The following SIK2 variants were observed in gnomAD, a reference collection of about 807,000 sequenced individuals.
The protein encoded by SIK2 is serine/threonine-protein kinase SIK2.
In SIK2, 29 loss-of-function variants were observed where a neutral mutation model predicts 103.2. The ratio of observed to expected loss-of-function variants is 0.28; its 90% CI spans 0.21 to 0.38. The LOEUF is 0.38. SIK2 is among the 10% of genes least tolerant of loss of function. The pLI, the probability that SIK2 is intolerant of heterozygous loss-of-function variation, is 1.00. For synonymous variants in SIK2, 412 were observed against 446.1 expected, an observed-to-expected ratio of 0.92 and a Z score of 0.96; for missense variants, 879 against 1,171.0, an observed-to-expected ratio of 0.75 and a Z score of 3.64.
At chr11:111,667,546 C>T (rs903505649) in intron 3 of SIK2, among the ~76,000 whole-genome samples, 9 of 140,988 alleles carry the variant, frequency 6.4e-5, no homozygotes, top group Non-Finnish European at 1.1e-4. Context: ...GGCTGGAGTG[C>T]GGTGGCACAA....
chr11:111,611,083 CAAAT>C (rs886443254), intron 1 of SIK2, among the ~76,000 whole-genome samples: 3 of 85,876 alleles, frequency 3.5e-5, no homozygotes, highest in Non-Finnish European at 7.4e-5. Context: ...CACTCTCGAC[CAAAT>C]GTGTGTGTGT....
chr11:111,701,611 A>G lies in SIK2; in HGVS notation c.727+36A>G. The G allele has an allele frequency of 6.2e-7, 1 of 1,609,930 alleles. No homozygotes were observed. The highest frequency in any genetic ancestry group is 8.5e-7 in the Non-Finnish European group (1 of 1,177,312). On this transcript the variant is annotated intron_variant, in intron 6 of 14. Transcript: ENST00000304987. The surrounding 1 kb of genome is among the most constrained non-coding windows in gnomAD (Gnocchi z 4.2). ...TTTCATCTTATTAATGGTGTTTTAC[A>G]GTGTTAGTGCTCCAAGTGAAATGCC...
intron 3 of SIK2, among the ~76,000 whole-genome samples, chr11:111,666,604 C>A (rs1454931029): frequency 6.6e-6 from 1 of 152,132 alleles, no homozygotes; most frequent in African/African-American, 2.4e-5. Context: ...TAAAATAAAT[C>A]TAGACACTTA....
intron 3 of SIK2, among the ~76,000 whole-genome samples, chr11:111,648,721 A>G (rs1193069844): frequency 2.0e-5 from 3 of 152,076 alleles, no homozygotes; most frequent in Admixed American, 6.6e-5. Context: ...GGTTGTATCT[A>G]TGGAGTTGGG....
chr11:111,717,909 G>A (rs1472420638), intron 9 of SIK2, among the ~76,000 whole-genome samples: 1 of 152,042 alleles, frequency 6.6e-6, no homozygotes, highest in Non-Finnish European at 1.5e-5. Context: ...CACACACTGG[G>A]GCCTGTTAGG....
intron 3 of SIK2, among the ~76,000 whole-genome samples, chr11:111,626,583 G>A (rs1257472660): frequency 6.6e-6 from 1 of 151,176 alleles, no homozygotes; most frequent in African/African-American, 2.4e-5. Context: ...TTCCTTCTCT[G>A]TATGTTGTGT....
At position 111,729,955 on chromosome 11, in the gene SIK2, T is replaced by C. The variant is rs535308037; in HGVS notation, c.*5826T>C. 15 of 152,398 alleles carry C rather than the reference T, an allele frequency of 9.8e-5. No individual in the cohort carries two copies. The highest frequency in any genetic ancestry group is 3.3e-4 in the Admixed American group (5 of 15,304). The allele number at this position is 152,398 out of a possible 1,614,324, so 9.4% of individuals were successfully genotyped here. ...TCCTACAGAACACCCCCTTCCTCAATTGCCAAGGGGCCGCATCGCACGGCA... is the reference window on the plus strand; with the variant it reads ...TCCTACAGAACACCCCCTTCCTCAACTGCCAAGGGGCCGCATCGCACGGCA... On this transcript the variant is annotated 3_prime_UTR_variant, in exon 15 of 15. Coordinates refer to ENST00000304987, the MANE Select transcript of SIK2 (RefSeq NM_015191.3).
rs1200323688 is a variant in SIK2, at chr11:111,725,445, T to C, written c.*1316T>C. On this transcript the variant is annotated 3_prime_UTR_variant, in exon 15 of 15. Coordinates refer to ENST00000304987, the MANE Select transcript of SIK2 (RefSeq NM_015191.3). ...TTAACCAACACTTACAATTCAGTCA[T>C]CAAAGTAAGTAAAAATTAGATGCTA... 6.6e-6 allele frequency: 1 copy of C among 152,442 alleles called. No homozygotes were observed. The highest frequency in any genetic ancestry group is 2.4e-5 in the African/African-American group (1 of 41,376). 9.4% of individuals were successfully genotyped at this position (152,442 alleles called of 1,614,324 possible). A position where few individuals can be genotyped will look rare whatever the true frequency, so the allele number is the denominator to read the frequency against.
intron 8 of SIK2, among the ~76,000 whole-genome samples, chr11:111,709,128 G>T (rs1352400828): frequency 6.6e-6 from 1 of 152,226 alleles, no homozygotes; most frequent in African/African-American, 2.4e-5. Flanking sequence ...CGGAAATCAG[G>T]ATGAGGGTGC....
In SIK2 at chr11:111,721,824, C is replaced by A; in HGVS notation, c.1945-6C>A. ...TGAAAATTGTTTCCACCCCCTTGCT[C>A]CTCAGGAAGAAGTTTCTCAGCAGCA... On this transcript the variant is annotated splice_polypyrimidine_tract_variant and splice_region_variant and intron_variant, in intron 12 of 14. Transcript: ENST00000304987. 6.2e-7 allele frequency: 1 copy of A among 1,602,392 alleles called. No individual in the cohort carries two copies. The highest frequency in any genetic ancestry group is 8.5e-7 in the Non-Finnish European group (1 of 1,175,008).
At chr11:111,634,834 A>C (rs1329337185) in intron 3 of SIK2, among the ~76,000 whole-genome samples, 1 of 152,210 alleles carries the variant, frequency 6.6e-6, no homozygotes, top group Non-Finnish European at 1.5e-5. Flanking sequence ...ATGATCTGCT[A>C]TGCAGATTTA....
Position 111,720,918 on chromosome 11 carries a change from A to G in SIK2, c.1800A>G (p.Gln600=), listed in dbSNP as rs17113207. The change falls in exon 12 of 15, where the codon CAA becomes CAG. Residue 600 remains glutamine (Q), a synonymous_variant. Coordinates refer to ENST00000304987, the MANE Select transcript of SIK2 (RefSeq NM_015191.3). ...TTTCAGGAATTGTAGCATTTAGACA[A>G]CATCTTCAGAATCTGGCTAGAACCA... The part of the protein sequence containing the change: ...SLTQGIVAFR[Q]HLQNLARTKG... 7.1e-4 allele frequency: 1,150 copies of G among 1,613,766 alleles called. 5 individuals are homozygous for G. The African/African-American group carries it at 0.011, about 16-fold the overall frequency.
intron 8 of SIK2, among the ~76,000 whole-genome samples, chr11:111,711,121 ATTT>A (rs773337497): frequency 6.9e-6 from 1 of 143,930 alleles, no homozygotes; most frequent in Admixed American, 7.0e-5. Flanking sequence ...CTTTTAAATG[ATTT>A]TTTTTTTTTT....
At chr11:111,619,374 A>G (rs1051138792) in intron 2 of SIK2, among the ~76,000 whole-genome samples, 1 of 151,940 alleles carries the variant, frequency 6.6e-6, no homozygotes, top group African/African-American at 2.4e-5. Flanking sequence ...TTTTCTTTTT[A>G]TTCTATTTGT....
chr11:111,637,145 A>G (rs1353938610), intron 3 of SIK2, among the ~76,000 whole-genome samples: 1 of 150,174 alleles, frequency 6.7e-6, no homozygotes, highest in East Asian at 2.0e-4. Context: ...TTGTTCTCCT[A>G]TTTACCATGT....
At chr11:111,639,390 A>G (rs1316062024) in intron 3 of SIK2, among the ~76,000 whole-genome samples, 1 of 152,210 alleles carries the variant, frequency 6.6e-6, no homozygotes, top group African/African-American at 2.4e-5. Flanking sequence ...GAAAACAGCC[A>G]TGGCATGCTT....
chr11:111,646,843 A>G (rs1365914193), intron 3 of SIK2, among the ~76,000 whole-genome samples: 1 of 152,206 alleles, frequency 6.6e-6, no homozygotes, highest in Non-Finnish European at 1.5e-5. Flanking sequence ...ATTTGCCACA[A>G]TTTGTTTATC....
At chr11:111,679,519 A>C (rs1453251993) in intron 3 of SIK2, among the ~76,000 whole-genome samples, 3 of 152,270 alleles carry the variant, frequency 2.0e-5, no homozygotes, top group Non-Finnish European at 4.4e-5. Flanking sequence ...AGAGAAAAGC[A>C]AAGTGTTTTA....
rs139947685 is a variant in SIK2, at chr11:111,624,031, A to C, written c.316+3629A>C. Among the ~76,000 whole-genome samples, 68 of 152,308 alleles carry C rather than the reference A, an allele frequency of 4.5e-4. No individual in the cohort carries two copies. The East Asian group carries it at 0.013, about 29-fold the overall frequency. On this transcript the variant is annotated intron_variant, in intron 3 of 14. Coordinates refer to ENST00000304987, the MANE Select transcript of SIK2 (RefSeq NM_015191.3). ...TCCTTTGCCTGATGTCCAGTGTCTT[A>C]TAAACCATTCTCTCATGTATTTTGT...
Sources: gnomAD v4.1 joint callset for allele counts (sites outside exome capture counted in the v4.1 genomes callset) on GRCh38, gnomAD v4.1.1 for gene constraint, Gnocchi (gnomAD v3.1) non-coding constraint, MANE v1.5 for transcripts, NCBI Gene and HGNC (gene_info 2026-07-23, HGNC 2026-07-21) for gene names.